ADARB1: variants seen among roughly 807,000 people sequenced by gnomAD.
The protein encoded by ADARB1 is adenosine deaminase RNA specific B1.
A neutral mutation model predicts 52.4 loss-of-function variants in ADARB1; 10 were observed. That is an observed-to-expected ratio of 0.19 (90% confidence interval 0.12 to 0.32). The LOEUF (loss-of-function observed/expected upper bound fraction) is 0.32, where lower values mean the gene tolerates loss of function less well. Among genes scored for constraint, ADARB1 ranks in the 10% least tolerant of loss-of-function variants. ADARB1 has a pLI of 1.00. For missense variants in ADARB1, 643 were observed against 922.3 expected, an observed-to-expected ratio of 0.70 and a Z score of 3.92; for synonymous variants, 349 against 371.1, an observed-to-expected ratio of 0.94 and a Z score of 0.68.
intron 9 of ADARB1, among the ~76,000 whole-genome samples, chr21:45,215,258 G>C (rs2092839606): frequency 6.6e-6 from 1 of 152,128 alleles, no homozygotes; most frequent in Non-Finnish European, 1.5e-5. Flanking sequence ...ATGTTGCCCA[G>C]ATTGGTCTTG....
At position 45,222,673 on chromosome 21, in the gene ADARB1, G is replaced by T. The variant is rs572444395; in HGVS notation, c.*476G>T. 2.0e-6 allele frequency: 2 copies of T among 987,238 alleles called. No homozygotes were observed. The highest frequency in any genetic ancestry group is 9.4e-5 in the South Asian group (2 of 21,348). The allele number at this position is 987,238 out of a possible 1,614,324, so 61.2% of individuals were successfully genotyped here. A position where few individuals can be genotyped will look rare whatever the true frequency, so the allele number is the denominator to read the frequency against. On this transcript the variant is annotated 3_prime_UTR_variant, in exon 11 of 11. Coordinates refer to ENST00000348831, the MANE Select transcript of ADARB1 (RefSeq NM_001112.4). ...AATTGCAAAAAAGCATCTATATATG[G>T]AGGAGGGTGGGAAAATAGAGGTAGG...
intron 1 of ADARB1, among the ~76,000 whole-genome samples, chr21:45,090,205 C>T (rs907519253): frequency 6.6e-6 from 1 of 152,172 alleles, no homozygotes; most frequent in Admixed American, 6.5e-5. Flanking sequence ...GTTAATATAG[C>T]AAATTTCATT....
chr21:45,222,462 AGT>A lies in ADARB1; in HGVS notation c.*267_*268del. The A allele has an allele frequency of 8.1e-7, 1 of 1,231,918 alleles. No individual in the cohort carries two copies. The allele number at this position is 1,231,918 out of a possible 1,614,324, so 76.3% of individuals were successfully genotyped here. Reference sequence around the variant, plus strand: ...CAGCATTTCCCCTTCTGAACCGTCCAGTGACTGCTTTCAATCTCGGTTTACGT... The same window carrying A: ...CAGCATTTCCCCTTCTGAACCGTCCAGACTGCTTTCAATCTCGGTTTACGT... On this transcript the variant is annotated 3_prime_UTR_variant, in exon 11 of 11. Transcript: ENST00000348831.
intron 8 of ADARB1, among the ~76,000 whole-genome samples, chr21:45,202,555 G>A (rs2092577849): frequency 6.6e-6 from 1 of 152,136 alleles, no homozygotes; most frequent in Admixed American, 6.5e-5. Flanking sequence ...GACAGAGGGG[G>A]GATATATGGA....
At chr21:45,171,478 A>T (rs1052810423) in intron 2 of ADARB1, 132 bp from the exon 3 acceptor site, 2 of 633,480 alleles carry the variant, frequency 3.2e-6, no homozygotes, top group Non-Finnish European at 5.5e-6. Flanking sequence ...TTCTCTAACA[A>T]GACCTAGTTC....
chr21:45,126,544 G>A (rs529471553), intron 1 of ADARB1, among the ~76,000 whole-genome samples: 177 of 152,196 alleles, frequency 1.2e-3, no homozygotes, highest in African/African-American at 4.0e-3. Flanking sequence ...CACCATCTGC[G>A]GCGGGTGTTC....
intron 2 of ADARB1, among the ~76,000 whole-genome samples, chr21:45,158,786 A>G (rs1448272041): frequency 6.6e-6 from 1 of 152,146 alleles, no homozygotes; most frequent in Non-Finnish European, 1.5e-5. Flanking sequence ...TAGAATGTAC[A>G]GGGCATACAA....
intron 7 of ADARB1, chr21:45,184,714 G>A: frequency 5.8e-6 from 3 of 514,202 alleles, no homozygotes; most frequent in Non-Finnish European, 1.0e-5. Flanking sequence ...GCCTCCCAAA[G>A]TGCTGAGATT....
At position 45,221,292 on chromosome 21, in the gene ADARB1, A is replaced by G. The variant is rs1256734038; in HGVS notation, c.1926+278A>G. Among the ~76,000 whole-genome samples, 1 of 152,188 alleles carries G rather than the reference A, an allele frequency of 6.6e-6. No homozygotes were observed. Among genetic ancestry groups the G allele is most frequent in the Non-Finnish European group, 1.5e-5 (1 of 68,042 alleles). On this transcript the variant is annotated intron_variant, in intron 10 of 10. Transcript: ENST00000348831. The surrounding 1 kb of genome is among the most constrained non-coding windows in gnomAD (Gnocchi z 4.9). The stretch of plus-strand genomic sequence containing the variant: ...TGTGGTGGAAACGTCTCTTACTCTC[A>G]GATATTGAAAGTCATTATGCAAAAC...
intron 2 of ADARB1, chr21:45,134,645 G>A (rs1254668156): frequency 4.6e-6 from 2 of 430,954 alleles, no homozygotes; most frequent in Non-Finnish European, 4.6e-6. Flanking sequence ...AGATCCCTAT[G>A]GACAAGGCAG....
chr21:45,129,957 G>T (rs28583101), intron 2 of ADARB1, among the ~76,000 whole-genome samples: 1 of 152,038 alleles, frequency 6.6e-6, no homozygotes, highest in Non-Finnish European at 1.5e-5. Context: ...TGCTTTTTTT[G>T]GGGGGGTACA....
intron 8 of ADARB1, among the ~76,000 whole-genome samples, chr21:45,203,466 C>G (rs1388002845): frequency 1.3e-5 from 2 of 152,228 alleles, no homozygotes; most frequent in Admixed American, 6.5e-5. Flanking sequence ...TATCTCCCCC[C>G]AGGTACTTCA....
In ADARB1 at chr21:45,179,843, G is replaced by A. The variant is rs552830906; in HGVS notation, c.964-487G>A. Among the ~76,000 whole-genome samples, 13 of 152,232 alleles carry A rather than the reference G, an allele frequency of 8.5e-5. No homozygotes were observed. In the East Asian group the frequency reaches 2.5e-3, roughly 29 times the overall value. On this transcript the variant is annotated intron_variant, in intron 4 of 10. Transcript: ENST00000348831. ...CAAGCTGCCCCTTTCTCTTGCCTTT[G>A]ATTTTGCACATCATCCTGGGCTGTG...
chr21:45,150,433 T>C (rs1355461421), intron 2 of ADARB1, among the ~76,000 whole-genome samples: 2 of 152,248 alleles, frequency 1.3e-5, no homozygotes, highest in African/African-American at 2.4e-5. Flanking sequence ...TTATAAGATA[T>C]AAAGTAGTTA....
chr21:45,155,511 C>T (rs941490903), intron 2 of ADARB1, among the ~76,000 whole-genome samples: 13 of 152,046 alleles, frequency 8.6e-5, no homozygotes, highest in African/African-American at 3.1e-4. Context: ...TCCATCTACT[C>T]ATTGTAGTCC....
chr21:45,152,533 T>G, intron 2 of ADARB1: 1 of 273,240 alleles, frequency 3.7e-6, no homozygotes, highest in Non-Finnish European at 7.8e-6. Context: ...CGGAAGTGAG[T>G]CGGTGTGCTG....
intron 4 of ADARB1, among the ~76,000 whole-genome samples, chr21:45,179,856 A>G (rs1156261930): frequency 2.0e-5 from 3 of 151,856 alleles, no homozygotes; most frequent in Non-Finnish European, 4.4e-5. Context: ...TTTGCACATC[A>G]TCCTGGGCTG....
chr21:45,145,769 G>A (rs1026060224), intron 2 of ADARB1: 2 of 152,154 alleles, frequency 1.3e-5, no homozygotes, highest in Non-Finnish European at 2.9e-5. Flanking sequence ...CCCTCAACAA[G>A]CTTACCGTGG....
At chr21:45,184,597 T>C (rs1201342866) in intron 7 of ADARB1, 5 of 334,250 alleles carry the variant, frequency 1.5e-5, no homozygotes, top group Non-Finnish European at 2.9e-5. Context: ...ACTACAGGCA[T>C]GTACCACTAT....
Sources: gnomAD v4.1 joint callset for allele counts (sites outside exome capture counted in the v4.1 genomes callset) on GRCh38, gnomAD v4.1.1 for gene constraint, Gnocchi (gnomAD v3.1) non-coding constraint, MANE v1.5 for transcripts, NCBI Gene and HGNC (gene_info 2026-07-23, HGNC 2026-07-21) for gene names.